Variants in MRTFB observed in about 807,000 individuals in gnomAD.
MRTFB encodes myocardin related transcription factor B.
In MRTFB, 29 loss-of-function variants were observed where a neutral mutation model predicts 104.2. The observed-to-expected ratio is 0.28, with a 90% CI of 0.21 to 0.38. The LOEUF (loss-of-function observed/expected upper bound fraction) is 0.38. Ranked by LOEUF, MRTFB falls within the 10% of genes least tolerant of loss-of-function variation. The probability of loss-of-function intolerance (pLI) is 1.00; values close to 1 mark genes in which losing one functional copy is unlikely to be tolerated. For synonymous variants in MRTFB, 535 were observed against 519.5 expected (o/e 1.03, Z -0.41); for missense variants, 1,270 against 1,341.6 (o/e 0.95, Z 0.83).
the MRTFB span, among the ~76,000 whole-genome samples, chr16:14,040,866 C>A: frequency 1.3e-5 from 2 of 152,122 alleles, no homozygotes; most frequent in African/African-American, 4.8e-5. Flanking sequence ...ATAATACCAG[C>A]GCTTTGGGAG....
upstream of MRTFB, among the ~76,000 whole-genome samples, chr16:14,067,878 C>G (rs2033539539): frequency 6.6e-6 from 1 of 152,148 alleles, no homozygotes; most frequent in African/African-American, 2.4e-5. Context: ...GTCACCCAGG[C>G]TGGAGTGCAG....
intron 4 of MRTFB, among the ~76,000 whole-genome samples, chr16:14,211,221 T>C (rs1384327025): frequency 6.6e-6 from 1 of 152,180 alleles, no homozygotes; most frequent in Non-Finnish European, 1.5e-5. Flanking sequence ...AAATCTAGCA[T>C]TGTGATAGGC....
At chr16:14,054,103 C>T in the MRTFB span, among the ~76,000 whole-genome samples, 1,021 of 152,330 alleles carry the variant, frequency 6.7e-3, 20 homozygotes, top group African/African-American at 0.022. Context: ...TGCCCTCAAA[C>T]ACACCAAGCT....
chr16:14,139,406 A>G (rs937757453), intron 2 of MRTFB, among the ~76,000 whole-genome samples: 1 of 152,198 alleles, frequency 6.6e-6, no homozygotes, highest in Non-Finnish European at 1.5e-5. Context: ...AAGACTGACC[A>G]TATGAAGTAC....
At chr16:14,003,410 AC>A in the MRTFB span, among the ~76,000 whole-genome samples, 1 of 149,812 alleles carries the variant, frequency 6.7e-6, no homozygotes, top group Admixed American at 6.7e-5. Flanking sequence ...TCCACCCTCC[AC>A]CCCCGCACGC....
the MRTFB span, among the ~76,000 whole-genome samples, chr16:14,051,645 A>G: frequency 6.0e-4 from 91 of 152,232 alleles, no homozygotes; most frequent in African/African-American, 1.5e-3. Flanking sequence ...ACACTCGTAT[A>G]GACACACATT....
At position 14,169,062 on chromosome 16, in the gene MRTFB, G is replaced by A. The variant is rs1483271262; in HGVS notation, c.154+28302G>A. On this transcript the variant is annotated intron_variant, in intron 3 of 16. Transcript: ENST00000571589. ...ATTATAGTAATTTTTAAATATATAG[G>A]AAGTTAAAGAAGTGTTACAGTGAGC... Among the ~76,000 whole-genome samples the A allele has an allele frequency of 3.3e-5, 5 of 151,950 alleles. No homozygotes were observed. The East Asian group carries it at 9.6e-4, about 29-fold the overall frequency.
chr16:14,258,978 A>C (rs1242506326), intron 16 of MRTFB, among the ~76,000 whole-genome samples: 1 of 152,190 alleles, frequency 6.6e-6, no homozygotes, highest in Non-Finnish European at 1.5e-5. Flanking sequence ...ACCCTGATGA[A>C]AGGAGTTTTA....
In MRTFB at chr16:14,245,498, A is replaced by G. The variant is rs772059222; in HGVS notation, c.1080-30A>G. On this transcript the variant is annotated intron_variant, in intron 10 of 16. Coordinates refer to ENST00000571589, the MANE Select transcript of MRTFB (RefSeq NM_001308142.2). ...TGTCAAATCTAGAAATTATTTTATT[A>G]TAAACTCTAATTTTTGTTTTCTTTT... 33 of 1,581,912 alleles carry G rather than the reference A, an allele frequency of 2.1e-5. No homozygotes were observed. In the Admixed American group the frequency reaches 2.4e-4, roughly 12 times the overall value.
intron 2 of MRTFB, among the ~76,000 whole-genome samples, chr16:14,080,022 A>G (rs548980014): frequency 2.0e-5 from 3 of 152,286 alleles, no homozygotes; most frequent in South Asian, 2.1e-4. Flanking sequence ...CTACATGATC[A>G]TTTTACTGGC....
At chr16:14,197,867 A>G (rs1269686543) in intron 3 of MRTFB, among the ~76,000 whole-genome samples, 4 of 152,172 alleles carry the variant, frequency 2.6e-5, no homozygotes, top group African/African-American at 2.4e-5. Flanking sequence ...GTGGGTAGGA[A>G]ATAAGAAATG....
intron 2 of MRTFB, among the ~76,000 whole-genome samples, chr16:14,123,672 C>G (rs1014887363): frequency 1.4e-4 from 22 of 152,022 alleles, no homozygotes; most frequent in Non-Finnish European, 1.5e-4. Flanking sequence ...GGTTACTAGC[C>G]CTGTCATATA....
At chr16:14,033,119 TAGAAC>T in the MRTFB span, among the ~76,000 whole-genome samples, 1 of 152,020 alleles carries the variant, frequency 6.6e-6, no homozygotes, top group African/African-American at 2.4e-5. Flanking sequence ...CTTGCATTCT[TAGAAC>T]AGACATTAAA....
At chr16:14,184,149 C>T (rs1295803767) in intron 3 of MRTFB, among the ~76,000 whole-genome samples, 1 of 150,698 alleles carries the variant, frequency 6.6e-6, no homozygotes, top group African/African-American at 2.4e-5. Flanking sequence ...GCATGTAGGC[C>T]CCGGAGCCAA....
intron 8 of MRTFB, among the ~76,000 whole-genome samples, chr16:14,226,153 CCAAA>C (rs1189262349): frequency 6.6e-6 from 1 of 152,106 alleles, no homozygotes; most frequent in Non-Finnish European, 1.5e-5. Flanking sequence ...CAGTGCTACC[CCAAA>C]CAATCTACAG....
chr16:14,217,404 A>T, intron 7 of MRTFB, 117 bp downstream of exon 7: 12 of 802,182 alleles, frequency 1.5e-5, no homozygotes, highest in South Asian at 3.0e-5. Context: ...TGGGTTAATT[A>T]GAAATTAACA....
intron 3 of MRTFB, among the ~76,000 whole-genome samples, chr16:14,145,145 T>C (rs1187492627): frequency 2.0e-5 from 3 of 151,742 alleles, no homozygotes; most frequent in African/African-American, 7.3e-5. Flanking sequence ...CTTACTTTAA[T>C]GATTTTTTTC....
intron 2 of MRTFB, among the ~76,000 whole-genome samples, chr16:14,121,143 T>TA (rs1292873030): frequency 6.6e-6 from 1 of 152,070 alleles, no homozygotes; most frequent in Non-Finnish European, 1.5e-5. Context: ...GCTTTGGTGT[T>TA]ACAGTCTTCA....
At chr16:14,104,893 A>C (rs979096477) in intron 2 of MRTFB, among the ~76,000 whole-genome samples, 1 of 152,136 alleles carries the variant, frequency 6.6e-6, no homozygotes, top group East Asian at 1.9e-4. Context: ...ATTGTAGCTG[A>C]GTAGTTAGAG....
Sources: allele counts gnomAD v4.1 joint callset (sites outside exome capture counted in the v4.1 genomes callset), GRCh38; gene constraint gnomAD v4.1.1; transcripts MANE v1.5; gene names NCBI Gene and HGNC (gene_info 2026-07-23, HGNC 2026-07-21).